DNAH9: variants seen among roughly 807,000 people sequenced by gnomAD.
DNAH9 encodes the protein DNAH9 variant protein.
A neutral mutation model predicts 471.6 loss-of-function variants in DNAH9; 345 were observed. That is an observed-to-expected ratio of 0.73 (90% CI 0.67 to 0.80). The LOEUF is 0.80. DNAH9 is among the 30% of genes least tolerant of loss of function. The pLI is 0.00. For synonymous variants in DNAH9, 2,093 were observed against 2,123.6 expected (o/e 0.99, Z 0.40); for missense variants, 5,407 against 5,609.2 (o/e 0.96, Z 1.15).
intron 9 of DNAH9, among the ~76,000 whole-genome samples, chr17:11,638,543 C>A (rs947007674): frequency 6.6e-6 from 1 of 152,154 alleles, no homozygotes; most frequent in African/African-American, 2.4e-5. Context: ...TGCCACGAGG[C>A]CCGGCTAATT....
chr17:11,718,084 C>T (rs1175439663), intron 26 of DNAH9, among the ~76,000 whole-genome samples: 1 of 151,058 alleles, frequency 6.6e-6, no homozygotes, highest in Non-Finnish European at 1.5e-5. Context: ...GCTATGTTGC[C>T]CAGGCTAGTC....
chr17:11,911,857 C>G (rs942859672), intron 61 of DNAH9, among the ~76,000 whole-genome samples: 6 of 152,016 alleles, frequency 3.9e-5, no homozygotes, highest in Non-Finnish European at 8.8e-5. Context: ...GAATTGTTTC[C>G]TTAATTTCAG....
chr17:11,622,944 C>T (rs1429502127), intron 6 of DNAH9, among the ~76,000 whole-genome samples: 1 of 150,544 alleles, frequency 6.6e-6, no homozygotes, highest in Non-Finnish European at 1.5e-5. Context: ...TGCCCAGCTG[C>T]TCCTTTTCTT....
chr17:11,682,592 A>G (rs1407376139), intron 19 of DNAH9, among the ~76,000 whole-genome samples: 4 of 152,014 alleles, frequency 2.6e-5, no homozygotes, highest in African/African-American at 9.7e-5. Flanking sequence ...TAAAACAGAC[A>G]TAAGATATAA....
chr17:11,797,537 C>T, intron 42 of DNAH9, 60 bp from the exon 43 acceptor site: 2 of 1,437,570 alleles, frequency 1.4e-6, no homozygotes, highest in South Asian at 1.3e-5. Context: ...TGTCTCTGCT[C>T]TGTGGAACCA....
intron 17 of DNAH9, among the ~76,000 whole-genome samples, chr17:11,672,273 G>A (rs999220284): frequency 3.3e-5 from 5 of 152,072 alleles, no homozygotes; most frequent in African/African-American, 9.7e-5. Context: ...GCTTTCCTGT[G>A]CCCTTGCACC....
At chr17:11,753,811 G>A (rs1967258299) in intron 33 of DNAH9, among the ~76,000 whole-genome samples, 1 of 152,148 alleles carries the variant, frequency 6.6e-6, no homozygotes, top group Admixed American at 6.5e-5. Flanking sequence ...GTACTTGATT[G>A]TTTTTTCCAC....
rs548032792 is a variant in DNAH9 at position 11,948,949 on chromosome 17, G to A, written c.12843+6464G>A. On this transcript the variant is annotated intron_variant, in intron 67 of 68. Coordinates refer to ENST00000262442, the MANE Select transcript of DNAH9 (RefSeq NM_001372.4). ...TGGACTGAACGCCCGCTGCATGACC[G>A]TGAGCCCAGGGCAACAGCTGCTTCA... is the stretch of plus-strand genomic sequence containing the variant. Among the ~76,000 whole-genome samples the A allele has an allele frequency of 2.6e-5, 4 of 152,254 alleles. No homozygotes were observed. The South Asian group carries it at 8.3e-4, about 32-fold the overall frequency.
chr17:11,741,368 G>A (rs918615469), intron 29 of DNAH9, among the ~76,000 whole-genome samples: 2 of 152,142 alleles, frequency 1.3e-5, no homozygotes, highest in African/African-American at 2.4e-5. Flanking sequence ...TGTCAAGATA[G>A]GGTTAATAAG....
chr17:11,718,129 G>A (rs1232520139), intron 26 of DNAH9, among the ~76,000 whole-genome samples: 4 of 152,038 alleles, frequency 2.6e-5, no homozygotes, highest in Non-Finnish European at 5.9e-5. Flanking sequence ...CATCTGCCTT[G>A]GCCTCCCAAA....
intron 1 of DNAH9, among the ~76,000 whole-genome samples, chr17:11,600,816 C>CA (rs889210787): frequency 9.9e-5 from 15 of 151,342 alleles, no homozygotes; most frequent in East Asian, 1.9e-4. Context: ...TTCCTTGTGG[C>CA]AAAAAAAACA....
intron 8 of DNAH9, among the ~76,000 whole-genome samples, chr17:11,636,152 C>T (rs965675917): frequency 6.6e-6 from 1 of 152,034 alleles, no homozygotes; most frequent in African/African-American, 2.4e-5. Flanking sequence ...ATTACAGGCA[C>T]CCGCCACCAC....
At chr17:11,629,640 T>A in intron 7 of DNAH9, 56 bp downstream of exon 7, 2 of 1,510,264 alleles carry the variant, frequency 1.3e-6, no homozygotes, top group South Asian at 1.2e-5. Flanking sequence ...ATGCCTCTCA[T>A]CTGTAGGGTC....
chr17:11,607,579 A>G (rs1477212203), intron 1 of DNAH9, among the ~76,000 whole-genome samples: 1 of 151,390 alleles, frequency 6.6e-6, no homozygotes, highest in Admixed American at 6.6e-5. Context: ...TTCTTTTTAC[A>G]TTTTTTCTGA....
intron 50 of DNAH9, among the ~76,000 whole-genome samples, chr17:11,859,119 A>G (rs998363772): frequency 3.3e-5 from 5 of 149,730 alleles, no homozygotes; most frequent in Admixed American, 2.7e-4. Flanking sequence ...TAATGACACA[A>G]ACTGCAGTTA....
intron 36 of DNAH9, among the ~76,000 whole-genome samples, chr17:11,766,364 G>A (rs770521176): frequency 4.0e-5 from 6 of 151,256 alleles, no homozygotes; most frequent in African/African-American, 1.2e-4. Flanking sequence ...ACAATCTCTC[G>A]GAAACGTAAG....
Position 11,669,414 on chromosome 17 carries a change from A to G in DNAH9, c.2973A>G (p.Thr991=), listed in dbSNP as rs1183702487. The G allele has an allele frequency of 1.9e-6, 3 of 1,613,626 alleles. No homozygotes were observed. Among genetic ancestry groups the G allele is most frequent in the Middle Eastern group, 1.6e-4 (1 of 6,082 alleles). Residue 991 remains threonine (T), a synonymous_variant, in exon 17 of 69, where the codon ACA becomes ACG. Transcript: ENST00000262442. ...GIPDLANMRR[T]LMERVQRMMG... ...CAGATTTGGCAAACATGCGGCGCAC[A>G]CTCATGGAGAGAGTCCAGAGAATGA...
intron 31 of DNAH9, among the ~76,000 whole-genome samples, chr17:11,746,052 A>G (rs539642105): frequency 6.6e-5 from 10 of 152,364 alleles, no homozygotes; most frequent in Admixed American, 3.3e-4. Context: ...ACAGTACTGA[A>G]CAGAATGACT....
At chr17:11,767,867 G>A (rs547744793) in intron 36 of DNAH9, among the ~76,000 whole-genome samples, 48 of 152,254 alleles carry the variant, frequency 3.2e-4, no homozygotes, top group Admixed American at 7.8e-4. Flanking sequence ...ACTGCTCCTA[G>A]ATTCTAGGAT....
Sources: gnomAD v4.1 joint callset for allele counts (sites outside exome capture counted in the v4.1 genomes callset) on GRCh38, gnomAD v4.1.1 for gene constraint, MANE v1.5 for transcripts, NCBI Gene and HGNC (gene_info 2026-07-23, HGNC 2026-07-21) for gene names.